The following IRAK1BP1 variants were observed in gnomAD, a reference collection of about 807,000 sequenced individuals.
IRAK1BP1 encodes interleukin-1 receptor-associated kinase 1-binding protein 1.
A neutral mutation model predicts 28.0 loss-of-function variants in IRAK1BP1; 24 were observed. The observed-to-expected ratio is 0.86, with a 90% CI of 0.62 to 1.20. IRAK1BP1 has a LOEUF of 1.20. Ranked by LOEUF, IRAK1BP1 falls within the 50% of genes most tolerant of loss-of-function variation. The pLI, the probability that IRAK1BP1 is intolerant of heterozygous loss-of-function variation, is 0.00. For synonymous variants in IRAK1BP1, 131 were observed against 116.3 expected (o/e 1.13, Z -0.81); for missense variants, 336 against 316.7 (o/e 1.06, Z -0.46).
intron 1 of IRAK1BP1, chr6:78,871,579 A>G: frequency 1.0e-6 from 1 of 968,320 alleles, no homozygotes; most frequent in Middle Eastern, 5.3e-4. Flanking sequence ...GTTTCCCCCC[A>G]AAATTTATAG....
intron 4 of IRAK1BP1, among the ~76,000 whole-genome samples, chr6:78,914,855 C>G (rs1772518085): frequency 6.6e-6 from 1 of 152,206 alleles, no homozygotes; most frequent in African/African-American, 2.4e-5. Context: ...GAGTCTTGCT[C>G]TATCACCCGG....
chr6:78,968,226 A>G, the IRAK1BP1 span, among the ~76,000 whole-genome samples: 1 of 152,276 alleles, frequency 6.6e-6, no homozygotes, highest in African/African-American at 2.4e-5. Context: ...GCCAAAACCA[A>G]GAAAAATGTT....
intron 4 of IRAK1BP1, among the ~76,000 whole-genome samples, chr6:78,912,122 C>CT (rs1772442214): frequency 6.6e-6 from 1 of 152,210 alleles, no homozygotes; most frequent in African/African-American, 2.4e-5. Flanking sequence ...TCCTCTCATG[C>CT]TTTTTTCACC....
chr6:78,929,406 A>T (rs1772982124), intron 4 of IRAK1BP1, among the ~76,000 whole-genome samples: 2 of 152,206 alleles, frequency 1.3e-5, no homozygotes, highest in Non-Finnish European at 2.9e-5. Context: ...ATGCACCCCA[A>T]GGCCACTGTC....
At chr6:78,918,967 A>G in intron 4 of IRAK1BP1, among the ~76,000 whole-genome samples, 1 of 152,234 alleles carries the variant, frequency 6.6e-6, no homozygotes, top group East Asian at 1.9e-4. Flanking sequence ...AGCAAGTGTC[A>G]ATAAATTCAG....
intron 4 of IRAK1BP1, among the ~76,000 whole-genome samples, chr6:78,910,897 C>T (rs1204612420): frequency 1.3e-5 from 2 of 152,258 alleles, no homozygotes; most frequent in Non-Finnish European, 2.9e-5. Context: ...CGTTAGCACC[C>T]CAAGACGCTG....
downstream of IRAK1BP1, among the ~76,000 whole-genome samples, chr6:78,950,691 C>G (rs980960115): frequency 2.0e-5 from 3 of 151,840 alleles, no homozygotes; most frequent in African/African-American, 7.2e-5. Context: ...CAGTGATATG[C>G]TCTATATCAT....
At chr6:78,871,342 G>C (rs1287057855) in intron 1 of IRAK1BP1, 1 of 984,964 alleles carries the variant, frequency 1.0e-6, no homozygotes, top group East Asian at 1.1e-4. Flanking sequence ...ATGCTGAAGG[G>C]AGTGTTTAAC....
the IRAK1BP1 span, chr6:78,969,792 A>G: frequency 1.1e-6 from 1 of 941,828 alleles, no homozygotes; most frequent in Non-Finnish European, 1.6e-6. Context: ...CTAAGAAAAA[A>G]AAACCACATC....
chr6:78,966,842 G>A, the IRAK1BP1 span, among the ~76,000 whole-genome samples: 7 of 152,144 alleles, frequency 4.6e-5, no homozygotes, highest in South Asian at 2.1e-4. Context: ...GAGTTTTCTC[G>A]TGGCTAGCAT....
At chr6:78,922,927 T>A (rs966355955) in intron 4 of IRAK1BP1, among the ~76,000 whole-genome samples, 1 of 152,088 alleles carries the variant, frequency 6.6e-6, no homozygotes, top group African/African-American at 2.4e-5. Flanking sequence ...AAGGAAGCAC[T>A]AAACATGGAA....
rs147175211 is a variant in IRAK1BP1 at position 78,919,895 on chromosome 6, C to A, written c.*67+16785C>A. Among the ~76,000 whole-genome samples, 849 of 152,242 alleles carry A rather than the reference C, an allele frequency of 5.6e-3. 6 individuals are homozygous for A. Among genetic ancestry groups the A allele is most frequent in the African/African-American group, 0.02 (822 of 41,552 alleles). ...AAAAAAGAAAACTGTGAGCCAGCATCCCTGATGAACTTAGACACAAAAGTC... is the reference window on the plus strand; with the variant it reads ...AAAAAAGAAAACTGTGAGCCAGCATACCTGATGAACTTAGACACAAAAGTC... On this transcript the variant is annotated intron_variant and NMD_transcript_variant, in intron 4 of 4. Coordinates refer to the IRAK1BP1 transcript ENST00000606868.
At chr6:78,959,686 A>C in the IRAK1BP1 span, among the ~76,000 whole-genome samples, 1 of 152,154 alleles carries the variant, frequency 6.6e-6, no homozygotes, top group East Asian at 1.9e-4. Flanking sequence ...GAAAACAGGC[A>C]ATTTCTAATT....
intron 4 of IRAK1BP1, among the ~76,000 whole-genome samples, chr6:78,934,361 T>C (rs574851886): frequency 6.6e-6 from 1 of 152,376 alleles, no homozygotes; most frequent in South Asian, 2.1e-4. Context: ...CTGACAGCCT[T>C]GCTGGATGCA....
At chr6:78,978,519 C>A in the IRAK1BP1 span, 1 of 1,234,110 alleles carries the variant, frequency 8.1e-7, no homozygotes, top group Non-Finnish European at 1.1e-6. Context: ...TTCCAGAAGT[C>A]TATTTCAAGA....
rs531728885 is a variant in IRAK1BP1 at position 78,867,642 on chromosome 6, C to G, written c.66C>G (p.Ser22Arg). The G allele has an allele frequency of 6.2e-6, 10 of 1,614,222 alleles. No homozygotes were observed. In the Admixed American group the frequency reaches 6.7e-5, roughly 11 times the overall value. The change falls in exon 1 of 4, where the codon AGC becomes AGG. Residue 22 changes from serine (S) to arginine (R), a missense_variant. By Grantham distance (110) the Ser-to-Arg change is moderately radical. Transcript: ENST00000369940. ...AACTGGTTCCCTGGGCTGACCGGAG[C>G]CGGGAGAACAACCTGGCCTCAGGGA... ...FVELVPWADRSRENNLASGRE... is the reference protein window; with the variant it reads ...FVELVPWADRRRENNLASGRE...
intron 1 of IRAK1BP1, among the ~76,000 whole-genome samples, chr6:78,873,413 A>AT (rs368542842): frequency 6.6e-6 from 1 of 150,820 alleles, no homozygotes; most frequent in African/African-American, 2.4e-5. Context: ...TTTTTTCTGT[A>AT]TTTTTTTCTA....
At chr6:78,914,621 A>G (rs1336094250) in intron 4 of IRAK1BP1, among the ~76,000 whole-genome samples, 3 of 152,216 alleles carry the variant, frequency 2.0e-5, no homozygotes, top group Non-Finnish European at 4.4e-5. Context: ...CAATGCTCCT[A>G]AACAATTTCA....
intron 4 of IRAK1BP1, among the ~76,000 whole-genome samples, chr6:78,929,542 G>A (rs1363261025): frequency 6.6e-6 from 1 of 152,106 alleles, no homozygotes; most frequent in African/African-American, 2.4e-5. Flanking sequence ...CTAGTAGATG[G>A]GGGAAGGAAG....
Sources: allele counts gnomAD v4.1 joint callset (sites outside exome capture counted in the v4.1 genomes callset), GRCh38; gene constraint gnomAD v4.1.1; transcripts MANE v1.5; gene names NCBI Gene and HGNC (gene_info 2026-07-23, HGNC 2026-07-21).